The following MTHFS variants were observed in gnomAD, a reference collection of about 807,000 sequenced individuals.
MTHFS encodes methenyltetrahydrofolate synthetase, also known as 5-formyltetrahydrofolate cyclo-ligase.
MTHFS carries 7 observed loss-of-function variants against 12.7 expected under a neutral mutation model. The observed-to-expected ratio is 0.55, with a 90% CI of 0.31 to 1.03. The LOEUF (loss-of-function observed/expected upper bound fraction) is 1.03. Ranked by LOEUF, MTHFS falls within the 50% of genes least tolerant of loss-of-function variation. MTHFS has a pLI of 0.05. For synonymous variants in MTHFS, 100 were observed against 97.1 expected (o/e 1.03, Z -0.18); for missense variants, 252 against 258.1 (o/e 0.98, Z 0.16).
At chr15:79,894,329 C>T (rs188979063) in intron 1 of MTHFS, among the ~76,000 whole-genome samples, 14 of 151,942 alleles carry the variant, frequency 9.2e-5, no homozygotes, top group African/African-American at 3.1e-4. Context: ...TGCAGTGAGC[C>T]GAGATCATGC....
At chr15:79,890,402 T>C (rs962699496) in intron 1 of MTHFS, among the ~76,000 whole-genome samples, 1 of 151,866 alleles carries the variant, frequency 6.6e-6, no homozygotes, top group African/African-American at 2.4e-5. Flanking sequence ...TGATTTTTCG[T>C]ATTTTTTGTG....
intron 2 of MTHFS, among the ~76,000 whole-genome samples, chr15:79,870,196 A>G (rs1428124239): frequency 1.3e-5 from 2 of 152,246 alleles, no homozygotes; most frequent in African/African-American, 2.4e-5. Context: ...ACTAATCACC[A>G]CAAGACAACA....
chr15:79,845,034 C>G lies in MTHFS; in HGVS notation c.*176G>C. The stretch of plus-strand genomic sequence containing the variant: ...TTTAATTAATATTCTACTATTCACA[C>G]TTCTATTGGTTTTTAAAGATGGTTT... On this transcript the variant is annotated 3_prime_UTR_variant, in exon 3 of 3. Coordinates refer to ENST00000258874, the MANE Select transcript of MTHFS (RefSeq NM_006441.4). 1 of 863,044 alleles carries G rather than the reference C, an allele frequency of 1.2e-6. No individual in the cohort carries two copies. The highest frequency in any genetic ancestry group is 2.7e-5 in the East Asian group (1 of 37,044). The allele number at this position is 863,044 out of a possible 1,614,324, so 53.5% of individuals were successfully genotyped here.
At chr15:79,896,099 T>A (rs1031306550) in intron 1 of MTHFS, among the ~76,000 whole-genome samples, 1 of 152,234 alleles carries the variant, frequency 6.6e-6, no homozygotes, top group Non-Finnish European at 1.5e-5. Flanking sequence ...GTGAAAGTAA[T>A]GAAACAGAGG....
chr15:79,854,773 G>A (rs980319261), intron 2 of MTHFS, among the ~76,000 whole-genome samples: 6 of 152,092 alleles, frequency 3.9e-5, no homozygotes, highest in East Asian at 1.9e-4. Context: ...AGCCTACTAC[G>A]TTGTCTAGAA....
chr15:79,851,692 A>C (rs1473374903), intron 2 of MTHFS, among the ~76,000 whole-genome samples: 1 of 152,232 alleles, frequency 6.6e-6, no homozygotes, highest in East Asian at 1.9e-4. Flanking sequence ...CAGAGAGGTC[A>C]AATTACTCCC....
intron 2 of MTHFS, among the ~76,000 whole-genome samples, chr15:79,860,304 G>A (rs1031544269): frequency 6.6e-6 from 1 of 151,846 alleles, no homozygotes; most frequent in Admixed American, 6.6e-5. Context: ...CAGGAGAATG[G>A]CGTGAACCCA....
chr15:79,874,086 C>T (rs1304626611), intron 2 of MTHFS, among the ~76,000 whole-genome samples: 1 of 152,208 alleles, frequency 6.6e-6, no homozygotes, highest in Non-Finnish European at 1.5e-5. Context: ...GAGCTTCATG[C>T]ATTCCAGTGT....
Position 79,897,010 on chromosome 15 carries a change from G to C in MTHFS, c.-22C>G, listed in dbSNP as rs1198802705. On this transcript the variant is annotated 5_prime_UTR_variant, in exon 1 of 3. Coordinates refer to ENST00000258874, the MANE Select transcript of MTHFS (RefSeq NM_006441.4). ...CCATCTCACGCCCAAGCCGAGTCCA[G>C]TCCCGCCCTCGGCGCCCTGGGCGCC... 16 of 1,505,550 alleles carry C rather than the reference G, an allele frequency of 1.1e-5. No homozygotes were observed. Among genetic ancestry groups the C allele is most frequent in the Non-Finnish European group, 1.3e-5 (15 of 1,132,246 alleles). The allele number at this position is 1,505,550 out of a possible 1,614,324, so 93.3% of individuals were successfully genotyped here. A position where few individuals can be genotyped will look rare whatever the true frequency, so the allele number is the denominator to read the frequency against.
intron 2 of MTHFS, among the ~76,000 whole-genome samples, chr15:79,883,185 G>C (rs547589864): frequency 1.3e-5 from 2 of 152,204 alleles, no homozygotes; most frequent in Non-Finnish European, 2.9e-5. Context: ...GTCTGGGTGA[G>C]AGAGTGAGAC....
In MTHFS at chr15:79,847,460, G is replaced by A. The variant is rs548772596; in HGVS notation, c.380-2018C>T. 5.9e-5 allele frequency among the ~76,000 whole-genome samples: 9 copies of A among 151,962 alleles called. 1 individual carries two copies. Among genetic ancestry groups the A allele is most frequent in the Admixed American group, 3.9e-4 (6 of 15,254 alleles). ...AGCACTTTGGGAGGCAGAGGCGGGC[G>A]GATCATGAGGTCAGAAGACAGAGAT... is the stretch of plus-strand genomic sequence containing the variant. On this transcript the variant is annotated intron_variant, in intron 2 of 2. Coordinates refer to ENST00000258874, the MANE Select transcript of MTHFS (RefSeq NM_006441.4).
chr15:79,855,642 A>G (rs755101137), intron 2 of MTHFS, among the ~76,000 whole-genome samples: 4 of 152,146 alleles, frequency 2.6e-5, no homozygotes, highest in East Asian at 1.9e-4. Context: ...CCCAATAGGT[A>G]CTTTTTCTGA....
At chr15:79,878,947 G>C (rs1188502451) in intron 2 of MTHFS, among the ~76,000 whole-genome samples, 2 of 151,144 alleles carry the variant, frequency 1.3e-5, no homozygotes, top group Non-Finnish European at 2.9e-5. Context: ...AATTATATAA[G>C]AGCAAAGTTG....
rs1367625793 is a variant in MTHFS at position 79,843,850 on chromosome 15, A to T, written c.*1360T>A. 1 of 152,290 alleles carries T rather than the reference A, an allele frequency of 6.6e-6. No homozygotes were observed. Among genetic ancestry groups the T allele is most frequent in the East Asian group, 1.9e-4 (1 of 5,208 alleles). 9.4% of individuals were successfully genotyped at this position (152,290 alleles called of 1,614,324 possible). A position where few individuals can be genotyped will look rare whatever the true frequency, so the allele number is the denominator to read the frequency against. Reference sequence around the variant, plus strand: ...CCAAGGCCACTCAGACAAGGGAAGGAACACTCACTCTGCTTGGGAAAGTAG... The same window carrying T: ...CCAAGGCCACTCAGACAAGGGAAGGTACACTCACTCTGCTTGGGAAAGTAG... On this transcript the variant is annotated 3_prime_UTR_variant, in exon 3 of 3. Coordinates refer to ENST00000258874, the MANE Select transcript of MTHFS (RefSeq NM_006441.4).
At chr15:79,883,245 T>C (rs1207399638) in intron 2 of MTHFS, among the ~76,000 whole-genome samples, 1 of 152,214 alleles carries the variant, frequency 6.6e-6, no homozygotes, top group Non-Finnish European at 1.5e-5. Flanking sequence ...CAACTGACTC[T>C]AGTATACTTT....
At chr15:79,847,614 G>A (rs2033641274) in intron 2 of MTHFS, among the ~76,000 whole-genome samples, 1 of 150,810 alleles carries the variant, frequency 6.6e-6, no homozygotes, top group Non-Finnish European at 1.5e-5. Flanking sequence ...AACCCGGGAG[G>A]TGGAGCTATT....
At chr15:79,845,928 C>G (rs1039861202) in intron 2 of MTHFS, among the ~76,000 whole-genome samples, 7 of 152,186 alleles carry the variant, frequency 4.6e-5, no homozygotes, top group African/African-American at 1.7e-4. Context: ...ACAGCCTACT[C>G]CCTCCTCATT....
intron 2 of MTHFS, among the ~76,000 whole-genome samples, chr15:79,869,111 A>C (rs1294628475): frequency 6.6e-6 from 1 of 152,246 alleles, no homozygotes; most frequent in Non-Finnish European, 1.5e-5. Flanking sequence ...AGCATTTAAT[A>C]AAATATACAA....
chr15:79,854,509 T>C (rs916727177), intron 2 of MTHFS, among the ~76,000 whole-genome samples: 5 of 152,176 alleles, frequency 3.3e-5, no homozygotes, highest in Non-Finnish European at 7.3e-5. Flanking sequence ...GTAGAAAAGA[T>C]AGACAGTGGA....
Sources: allele counts gnomAD v4.1 joint callset (sites outside exome capture counted in the v4.1 genomes callset), GRCh38; gene constraint gnomAD v4.1.1; transcripts MANE v1.5; gene names NCBI Gene and HGNC (gene_info 2026-07-23, HGNC 2026-07-21).